Variants in FGGY observed in about 807,000 individuals in gnomAD.
FGGY encodes FGGY carbohydrate kinase domain-containing protein.
A neutral mutation model predicts 71.3 loss-of-function variants in FGGY; 72 were observed. The observed-to-expected ratio is 1.01, with a 90% CI of 0.84 to 1.23. FGGY has a LOEUF of 1.23. Ranked by LOEUF, FGGY falls within the 50% of genes most tolerant of loss-of-function variation. The pLI is 0.00. For synonymous variants in FGGY, 251 were observed against 250.3 expected, an observed-to-expected ratio of 1.00 and a Z score of -0.02; for missense variants, 668 against 682.3, an observed-to-expected ratio of 0.98 and a Z score of 0.23.
At chr1:59,410,530 A>G (rs543105938) in intron 5 of FGGY, among the ~76,000 whole-genome samples, 13 of 152,334 alleles carry the variant, frequency 8.5e-5, no homozygotes, top group African/African-American at 2.9e-4. Flanking sequence ...TGTGAGAACT[A>G]TAATTGGTCT....
chr1:59,318,731 A>C (rs835404), intron 1 of FGGY: 61,623 of 152,138 alleles, frequency 0.41, 12,984 homozygotes, highest in African/African-American at 0.51. Context: ...CAGGGTATTG[A>C]ATAGATTTTT....
chr1:59,348,691 G>A (rs554983498), intron 4 of FGGY, among the ~76,000 whole-genome samples: 10 of 152,268 alleles, frequency 6.6e-5, no homozygotes, highest in African/African-American at 2.4e-4. Flanking sequence ...GGGTGCCTAA[G>A]GATTGCCATC....
intron 4 of FGGY, among the ~76,000 whole-genome samples, chr1:59,346,968 T>TTTA (rs1213298060): frequency 6.9e-6 from 1 of 144,272 alleles, no homozygotes; most frequent in African/African-American, 2.5e-5. Context: ...TTTTTTTTTT[T>TTTA]AAGTATCAAT....
intron 7 of FGGY, among the ~76,000 whole-genome samples, chr1:59,541,443 A>G (rs2095438535): frequency 6.6e-6 from 1 of 152,132 alleles, no homozygotes; most frequent in East Asian, 1.9e-4. Flanking sequence ...ACAGAGCTGG[A>G]AATCCTGGCA....
chr1:59,734,154 C>A (rs2098077361), intron 14 of FGGY, among the ~76,000 whole-genome samples: 1 of 152,148 alleles, frequency 6.6e-6, no homozygotes, highest in African/African-American at 2.4e-5. Context: ...TTTTCTTTTT[C>A]TTTTTATTTA....
intron 8 of FGGY, among the ~76,000 whole-genome samples, chr1:59,581,538 A>C (rs867632516): frequency 7.0e-6 from 1 of 142,168 alleles, no homozygotes; most frequent in African/African-American, 2.9e-5. Context: ...TGAGCTTTGG[A>C]GGGCTGTGGC....
At chr1:59,660,739 C>T (rs901121588) in intron 12 of FGGY, among the ~76,000 whole-genome samples, 2 of 152,138 alleles carry the variant, frequency 1.3e-5, no homozygotes, top group African/African-American at 4.8e-5. Flanking sequence ...AGATAATTAG[C>T]TGCTTAAGTG....
intron 8 of FGGY, among the ~76,000 whole-genome samples, chr1:59,570,396 AGTT>A (rs2095963958): frequency 6.6e-6 from 1 of 152,210 alleles, no homozygotes; most frequent in Non-Finnish European, 1.5e-5. Flanking sequence ...AAGGAAAACA[AGTT>A]TGAGAATCAG....
chr1:59,647,281 A>T (rs1374980767), intron 11 of FGGY, among the ~76,000 whole-genome samples: 1 of 152,242 alleles, frequency 6.6e-6, no homozygotes, highest in Admixed American at 6.5e-5. Context: ...GTATATGAGC[A>T]TATCAAAATG....
intron 2 of FGGY, among the ~76,000 whole-genome samples, chr1:59,334,182 G>A (rs957856827): frequency 5.3e-5 from 8 of 151,852 alleles, no homozygotes; most frequent in Admixed American, 2.0e-4. Context: ...TCATTCTGTC[G>A]CCCAGGCTGG....
chr1:59,490,985 T>A (rs2153584387), intron 6 of FGGY, among the ~76,000 whole-genome samples: 1 of 140,656 alleles, frequency 7.1e-6, no homozygotes, highest in Non-Finnish European at 1.5e-5. Flanking sequence ...CCTGCTTGCT[T>A]GCTTGCTTGC....
intron 10 of FGGY, among the ~76,000 whole-genome samples, chr1:59,632,313 T>C (rs2096915589): frequency 6.6e-6 from 1 of 152,232 alleles, no homozygotes. Context: ...AGCATTGGTT[T>C]CAAAGCCCTT....
At chr1:59,592,286 C>G (rs2096457702) in intron 8 of FGGY, among the ~76,000 whole-genome samples, 1 of 152,104 alleles carries the variant, frequency 6.6e-6, no homozygotes, top group Non-Finnish European at 1.5e-5. Context: ...CAGGAAACAA[C>G]AGGTGCTGGA....
intron 11 of FGGY, among the ~76,000 whole-genome samples, chr1:59,657,963 T>A (rs1011177579): frequency 1.3e-5 from 2 of 152,186 alleles, no homozygotes; most frequent in Non-Finnish European, 2.9e-5. Flanking sequence ...TGTCCACCTG[T>A]ACTTGTAGAA....
At chr1:59,711,550 CA>C (rs1224213318) in intron 14 of FGGY, among the ~76,000 whole-genome samples, 2 of 152,172 alleles carry the variant, frequency 1.3e-5, no homozygotes, top group African/African-American at 2.4e-5. Context: ...TGTATTAGTA[CA>C]TTTTCATGCT....
intron 6 of FGGY, among the ~76,000 whole-genome samples, chr1:59,468,191 C>T (rs2092746573): frequency 6.6e-6 from 1 of 152,186 alleles, no homozygotes; most frequent in Non-Finnish European, 1.5e-5. Context: ...GCATAAGTCA[C>T]CGCGCCCGAC....
intron 5 of FGGY, among the ~76,000 whole-genome samples, chr1:59,392,437 C>T (rs1269751572): frequency 1.3e-5 from 2 of 152,062 alleles, no homozygotes; most frequent in African/African-American, 4.8e-5. Flanking sequence ...AACTTGGGGC[C>T]CCTGGCACCC....
intron 14 of FGGY, among the ~76,000 whole-genome samples, chr1:59,709,404 C>G (rs2097777856): frequency 6.6e-6 from 1 of 151,888 alleles, no homozygotes; most frequent in South Asian, 2.1e-4. Context: ...AGGTCCCTCC[C>G]TCAATACGTG....
intron 6 of FGGY, among the ~76,000 whole-genome samples, chr1:59,465,735 T>C (rs995727502): frequency 1.3e-5 from 2 of 152,210 alleles, no homozygotes; most frequent in Admixed American, 1.3e-4. Flanking sequence ...AGCCAAATCA[T>C]GTATGAATTC....
Sources: allele counts gnomAD v4.1 joint callset (sites outside exome capture counted in the v4.1 genomes callset), GRCh38; gene constraint gnomAD v4.1.1; transcripts MANE v1.5; gene names NCBI Gene and HGNC (gene_info 2026-07-23, HGNC 2026-07-21).